The following GPC6 variants were observed in gnomAD, a reference collection of about 807,000 sequenced individuals.
GPC6 encodes the protein glypican 6.
A neutral mutation model predicts 55.2 loss-of-function variants in GPC6; 14 were observed. That is an observed-to-expected ratio of 0.25 (90% CI 0.17 to 0.40). The LOEUF (loss-of-function observed/expected upper bound fraction) is 0.40, where lower values mean the gene tolerates loss of function less well. Ranked by LOEUF, GPC6 falls within the 10% of genes least tolerant of loss-of-function variation. The pLI is 1.00. For missense variants in GPC6, 641 were observed against 708.5 expected (o/e 0.90, Z 1.08); for synonymous variants, 278 against 259.6 (o/e 1.07, Z -0.68).
intron 1 of GPC6, among the ~76,000 whole-genome samples, chr13:93,365,461 A>C (rs1197801686): frequency 1.3e-5 from 2 of 152,126 alleles, no homozygotes; most frequent in Admixed American, 6.6e-5. Context: ...TTTGCCTTGT[A>C]GGGGTTTTAA....
intron 1 of GPC6, among the ~76,000 whole-genome samples, chr13:93,500,703 T>G (rs1237202569): frequency 6.6e-6 from 1 of 152,196 alleles, no homozygotes; most frequent in East Asian, 1.9e-4. Flanking sequence ...AACGAAAATC[T>G]TGTTCTTGCA....
intron 3 of GPC6, among the ~76,000 whole-genome samples, chr13:93,914,704 G>T (rs964043178): frequency 6.6e-6 from 1 of 152,196 alleles, no homozygotes; most frequent in Non-Finnish European, 1.5e-5. Flanking sequence ...AGCAGGAAGA[G>T]TAGAGTTGGC....
At position 93,904,776 on chromosome 13, in the gene GPC6, A is replaced by T. The variant is rs1030926209; in HGVS notation, c.711+74231A>T. ...TATAAATGTGATCTCTACTTTTTTT[A>T]AAATTTATTATTGTTATACTTTAAG... is the stretch of plus-strand genomic sequence containing the variant. On this transcript the variant is annotated intron_variant, in intron 3 of 8. Coordinates refer to ENST00000377047, the MANE Select transcript of GPC6 (RefSeq NM_005708.5). 5.3e-5 allele frequency among the ~76,000 whole-genome samples: 8 copies of T among 151,918 alleles called. No individual in the cohort carries two copies. In the East Asian group the frequency reaches 5.8e-4, roughly 11 times the overall value.
chr13:93,237,460 A>G (rs1876276709), intron 1 of GPC6, among the ~76,000 whole-genome samples: 1 of 152,058 alleles, frequency 6.6e-6, no homozygotes. Flanking sequence ...CTTGTAGATT[A>G]TAGATATTAG....
intron 3 of GPC6, among the ~76,000 whole-genome samples, chr13:93,931,472 G>C (rs889821750): frequency 6.6e-6 from 1 of 151,262 alleles, no homozygotes; most frequent in African/African-American, 2.4e-5. Flanking sequence ...AAGATCAGAA[G>C]GTGGGCCAGG....
intron 1 of GPC6, among the ~76,000 whole-genome samples, chr13:93,391,759 A>G (rs1436480926): frequency 6.6e-6 from 1 of 152,086 alleles, no homozygotes; most frequent in Non-Finnish European, 1.5e-5. Context: ...GCCTATACTA[A>G]GGGGCACTTA....
chr13:93,966,678 G>C (rs1171395513), intron 3 of GPC6, among the ~76,000 whole-genome samples: 2 of 108,922 alleles, frequency 1.8e-5, no homozygotes, highest in Non-Finnish European at 3.5e-5. Flanking sequence ...TTTGAGATGT[G>C]GTCTCACTGT....
intron 3 of GPC6, among the ~76,000 whole-genome samples, chr13:94,006,850 A>G (rs1882040063): frequency 6.6e-6 from 1 of 152,158 alleles, no homozygotes; most frequent in Non-Finnish European, 1.5e-5. Flanking sequence ...AAGAACTGCA[A>G]AGTACTGTAT....
chr13:94,170,927 T>A (rs1888544004), intron 4 of GPC6, among the ~76,000 whole-genome samples: 1 of 152,132 alleles, frequency 6.6e-6, no homozygotes, highest in South Asian at 2.1e-4. Flanking sequence ...ATGTCCAGAG[T>A]GCGAGGAAAT....
intron 2 of GPC6, among the ~76,000 whole-genome samples, chr13:93,636,048 C>G (rs150141779): frequency 3.5e-4 from 54 of 152,146 alleles, no homozygotes; most frequent in African/African-American, 1.1e-3. Flanking sequence ...CACATACTGA[C>G]ATATTCCTAG....
chr13:94,228,413 AGAT>A lies in GPC6; in HGVS notation c.878-57934_878-57932del, dbSNP rs1890621022. Among the ~76,000 whole-genome samples, 6 of 152,106 alleles carry A rather than the reference AGAT, an allele frequency of 3.9e-5. No individual in the cohort carries two copies. In the South Asian group the frequency reaches 1.0e-3, roughly 26 times the overall value. ...AAAAATTGAAACTTTATGAAGAAGA[AGAT>A]GTTTTTTCATAGTGGGGACCTCATC... is the stretch of plus-strand genomic sequence containing the variant. On this transcript the variant is annotated intron_variant, in intron 4 of 8. Coordinates refer to ENST00000377047, the MANE Select transcript of GPC6 (RefSeq NM_005708.5).
At chr13:93,950,306 AT>A (rs1453253442) in intron 3 of GPC6, among the ~76,000 whole-genome samples, 2 of 152,254 alleles carry the variant, frequency 1.3e-5, no homozygotes, top group East Asian at 3.8e-4. Context: ...ACTATGCCTT[AT>A]TTATGATAGT....
intron 3 of GPC6, among the ~76,000 whole-genome samples, chr13:93,899,256 C>T (rs1876211416): frequency 6.6e-6 from 1 of 151,846 alleles, no homozygotes; most frequent in Non-Finnish European, 1.5e-5. Flanking sequence ...GTGGAGCTTG[C>T]CTACTGGTAG....
chr13:93,717,613 G>A (rs1235734820), intron 2 of GPC6, among the ~76,000 whole-genome samples: 2 of 151,520 alleles, frequency 1.3e-5, no homozygotes, highest in Admixed American at 1.3e-4. Flanking sequence ...TTATTTTTTA[G>A]TTATTATTAT....
At chr13:93,281,589 G>A (rs1877951358) in intron 1 of GPC6, among the ~76,000 whole-genome samples, 1 of 152,164 alleles carries the variant, frequency 6.6e-6, no homozygotes, top group Non-Finnish European at 1.5e-5. Flanking sequence ...CAAGGCAGGT[G>A]GATTACCTGA....
intron 4 of GPC6, among the ~76,000 whole-genome samples, chr13:94,031,857 A>G (rs190465640): frequency 6.6e-6 from 1 of 152,316 alleles, no homozygotes; most frequent in Admixed American, 6.5e-5. Context: ...CTAGCTCATG[A>G]ACACAAAAGT....
chr13:93,977,497 TGTGTGTGTGTGTGTGTGTGTGG>T (rs1257722877), intron 3 of GPC6, among the ~76,000 whole-genome samples: 4 of 148,856 alleles, frequency 2.7e-5, no homozygotes, highest in South Asian at 2.1e-4. Flanking sequence ...TGTGTGTGTG[TGTGTGTGTGTGTGTGTGTGTGG>T]TGTGTCTTTA....
chr13:93,782,252 A>G (rs989416682), intron 2 of GPC6, among the ~76,000 whole-genome samples: 5 of 152,146 alleles, frequency 3.3e-5, no homozygotes, highest in Admixed American at 3.3e-4. Flanking sequence ...TGACCCATAA[A>G]TGACAGCATT....
intron 4 of GPC6, among the ~76,000 whole-genome samples, chr13:94,153,054 A>G (rs1593992984): frequency 6.6e-6 from 1 of 152,178 alleles, no homozygotes; most frequent in Admixed American, 6.6e-5. Flanking sequence ...AATTTCAAGT[A>G]AGTTATGTGT....
Sources: allele counts gnomAD v4.1 joint callset (sites outside exome capture counted in the v4.1 genomes callset), GRCh38; gene constraint gnomAD v4.1.1; transcripts MANE v1.5; gene names NCBI Gene and HGNC (gene_info 2026-07-23, HGNC 2026-07-21).